The following MMD2 variants were observed in gnomAD, a reference collection of about 807,000 sequenced individuals.
MMD2 encodes monocyte to macrophage differentiation factor 2.
MMD2 carries 30 observed loss-of-function variants against 33.5 expected under a neutral mutation model. The observed-to-expected ratio is 0.90, with a 90% CI of 0.67 to 1.22. The LOEUF is 1.22. Ranked by LOEUF, MMD2 falls within the 50% of genes most tolerant of loss-of-function variation. MMD2 has a pLI of 0.00. For synonymous variants in MMD2, 129 were observed against 123.0 expected (o/e 1.05, Z -0.32); for missense variants, 364 against 325.4 (o/e 1.12, Z -0.91).
the MMD2 span, among the ~76,000 whole-genome samples, chr7:4,898,852 T>C: frequency 0.12 from 18,464 of 151,718 alleles, 1,208 homozygotes; most frequent in East Asian, 0.18. Context: ...TGAGCCAAGA[T>C]CACACTATCG....
intron 1 of MMD2, among the ~76,000 whole-genome samples, chr7:4,941,386 T>A (rs1785904785): frequency 6.6e-6 from 1 of 152,188 alleles, no homozygotes; most frequent in South Asian, 2.1e-4. Flanking sequence ...TCCCAGCACT[T>A]TGGGAGGCCG....
intron 2 of MMD2, among the ~76,000 whole-genome samples, chr7:4,920,837 G>C (rs4541814): frequency 0.68 from 102,739 of 151,100 alleles, 36,436 homozygotes; most frequent in African/African-American, 0.9. Context: ...CCCACCTTGG[G>C]CTCCCAAGTA....
intron 1 of MMD2, among the ~76,000 whole-genome samples, chr7:4,929,567 C>CA (rs1243091839): frequency 6.6e-6 from 1 of 151,894 alleles, no homozygotes; most frequent in Non-Finnish European, 1.5e-5. Flanking sequence ...CTCTGTCGCC[C>CA]AGGCTGGAGT....
At chr7:4,919,130 A>G (rs1785212283) in intron 3 of MMD2, among the ~76,000 whole-genome samples, 1 of 151,918 alleles carries the variant, frequency 6.6e-6, no homozygotes, top group African/African-American at 2.4e-5. Flanking sequence ...CTGTAATATC[A>G]GGGATTCTAG....
At chr7:4,938,162 C>A (rs1280836282) in intron 1 of MMD2, among the ~76,000 whole-genome samples, 1 of 151,772 alleles carries the variant, frequency 6.6e-6, no homozygotes, top group Non-Finnish European at 1.5e-5. Flanking sequence ...AGGTGCCCAC[C>A]ACTATGCCAG....
At chr7:4,916,485 C>A (rs1032322640) in intron 3 of MMD2, among the ~76,000 whole-genome samples, 1 of 150,412 alleles carries the variant, frequency 6.6e-6, no homozygotes, top group East Asian at 2.0e-4. Flanking sequence ...CGGATTCAAG[C>A]CATTTTCTTG....
rs923995229 is a variant in MMD2 at position 4,946,023 on chromosome 7, A to C, written c.47+12948T>G. On this transcript the variant is annotated intron_variant, in intron 1 of 6. Coordinates refer to ENST00000401401, the MANE Select transcript of MMD2 (RefSeq NM_198403.4). The surrounding 1 kb of genome is among the most constrained non-coding windows in gnomAD (Gnocchi z 5.0). ...TGTAACGCAGCTGCCTGCTCAGAGA[A>C]GATTCCTCTGGAGACGTACACCTCT... is the stretch of plus-strand genomic sequence containing the variant. Among the ~76,000 whole-genome samples, 8 of 152,128 alleles carry C rather than the reference A, an allele frequency of 5.3e-5. No homozygotes were observed. Among genetic ancestry groups the C allele is most frequent in the African/African-American group, 1.9e-4 (8 of 41,474 alleles).
intron 1 of MMD2, among the ~76,000 whole-genome samples, chr7:4,927,546 T>A (rs1018709556): frequency 6.6e-6 from 1 of 150,914 alleles, no homozygotes; most frequent in Admixed American, 6.6e-5. Context: ...ATTTCAAAAA[T>A]ATATATATAT....
chr7:4,954,063 C>T (rs1562498292), intron 1 of MMD2, among the ~76,000 whole-genome samples: 4 of 152,072 alleles, frequency 2.6e-5, no homozygotes, highest in Admixed American at 1.3e-4. Flanking sequence ...AACTCCTGGC[C>T]TCCAGAGATC....
intron 5 of MMD2, among the ~76,000 whole-genome samples, chr7:4,910,422 T>C (rs1449456985): frequency 6.6e-6 from 1 of 152,086 alleles, no homozygotes; most frequent in Non-Finnish European, 1.5e-5. Context: ...GGAAGTCTGT[T>C]ATGTTCTTTT....
chr7:4,894,789 G>A, the MMD2 span, among the ~76,000 whole-genome samples: 5,089 of 152,164 alleles, frequency 0.033, 286 homozygotes, highest in African/African-American at 0.12. This position sits in a 1 kb window ranked among gnomAD's most constrained non-coding sequence, Gnocchi z 4.3. Context: ...CAGCCTCTAC[G>A]CCCCTGCCCT....
chr7:4,925,046 T>G (rs539847866), intron 2 of MMD2, among the ~76,000 whole-genome samples: 1 of 152,288 alleles, frequency 6.6e-6, no homozygotes, highest in Admixed American at 6.6e-5. Context: ...TTCCCCTGTC[T>G]CAGCCTCCAG....
intron 1 of MMD2, among the ~76,000 whole-genome samples, chr7:4,933,342 G>A (rs2965042): frequency 0.64 from 97,302 of 152,096 alleles, 31,480 homozygotes; most frequent in Middle Eastern, 0.77. Flanking sequence ...AGCCTGCATG[G>A]GAGAGCATGA....
intron 3 of MMD2, among the ~76,000 whole-genome samples, chr7:4,917,210 C>G (rs1785163350): frequency 6.6e-6 from 1 of 152,214 alleles, no homozygotes. Context: ...CAGCTCTACA[C>G]TTCAGGAGTA....
chr7:4,900,149 A>T, the MMD2 span, among the ~76,000 whole-genome samples: 1 of 152,080 alleles, frequency 6.6e-6, no homozygotes, highest in African/African-American at 2.4e-5. Flanking sequence ...AAAAATGCAA[A>T]AATTAGCCAG....
chr7:4,946,520 C>G lies in MMD2; in HGVS notation c.47+12451G>C, dbSNP rs978839197. On this transcript the variant is annotated intron_variant, in intron 1 of 6. Coordinates refer to ENST00000401401, the MANE Select transcript of MMD2 (RefSeq NM_198403.4). The surrounding 1 kb of genome is among the most constrained non-coding windows in gnomAD (Gnocchi z 5.0). The stretch of plus-strand genomic sequence containing the variant: ...CATAAAATTGCAACCGCGAGTGAAA[C>G]AAAGGATTCAGACAATGATAACCAA... Among the ~76,000 whole-genome samples, 1 of 152,080 alleles carries G rather than the reference C, an allele frequency of 6.6e-6. No homozygotes were observed. The highest frequency in any genetic ancestry group is 1.5e-5 in the Non-Finnish European group (1 of 68,022).
downstream of MMD2, among the ~76,000 whole-genome samples, chr7:4,901,836 T>G (rs1001460514): frequency 2.6e-5 from 4 of 152,262 alleles, no homozygotes; most frequent in African/African-American, 9.6e-5. Flanking sequence ...ACCAATTACA[T>G]ACATTGCTTT....
At chr7:4,915,969 C>T (rs755269416) in intron 4 of MMD2, 36 bp downstream of exon 4, 35 of 1,600,840 alleles carry the variant, frequency 2.2e-5, no homozygotes, top group South Asian at 1.2e-4. Context: ...AAAGAAAGGC[C>T]GCCAAGGGTT....
chr7:4,902,931 T>C (rs1055374181), downstream of MMD2, among the ~76,000 whole-genome samples: 1 of 152,110 alleles, frequency 6.6e-6, no homozygotes, highest in Non-Finnish European at 1.5e-5. Flanking sequence ...TCTGTAGCTT[T>C]TGCAAACTGA....
Sources: allele counts gnomAD v4.1 joint callset (sites outside exome capture counted in the v4.1 genomes callset), GRCh38; gene constraint gnomAD v4.1.1; non-coding constraint Gnocchi (gnomAD v3.1); transcripts MANE v1.5; gene names NCBI Gene and HGNC (gene_info 2026-07-23, HGNC 2026-07-21).